Variants in SLC5A4 observed in about 807,000 individuals in gnomAD.
SLC5A4 encodes the protein solute carrier family 5 member 4, also known as probable glucose sensor protein SLC5A4.
A neutral mutation model predicts 70.3 loss-of-function variants in SLC5A4; 55 were observed. The ratio of observed to expected loss-of-function variants is 0.78; its 90% CI spans 0.63 to 0.98. The LOEUF (loss-of-function observed/expected upper bound fraction) is 0.98. SLC5A4 is among the 50% of genes least tolerant of loss of function. SLC5A4 has a pLI of 0.00. For missense variants in SLC5A4, 735 were observed against 839.2 expected (o/e 0.88, Z 1.53); for synonymous variants, 268 against 305.7 (o/e 0.88, Z 1.29).
chr22:32,305,091 A>G, the SLC5A4 span, among the ~76,000 whole-genome samples: 13 of 152,274 alleles, frequency 8.5e-5, no homozygotes, highest in East Asian at 7.7e-4. Context: ...TCTTTTGCCA[A>G]TACCACACTG....
At chr22:32,253,038 C>G (rs1927264328) in intron 2 of SLC5A4, among the ~76,000 whole-genome samples, 1 of 152,168 alleles carries the variant, frequency 6.6e-6, no homozygotes, top group South Asian at 2.1e-4. Context: ...GCATGTTTCA[C>G]TAAACAGTCC....
the SLC5A4 span, among the ~76,000 whole-genome samples, chr22:32,335,740 G>T: frequency 6.6e-6 from 1 of 152,200 alleles, no homozygotes; most frequent in Admixed American, 6.5e-5. Flanking sequence ...GTAGGTCCCA[G>T]CACACAGGGT....
the SLC5A4 span, among the ~76,000 whole-genome samples, chr22:32,324,344 C>T: frequency 6.6e-6 from 1 of 151,128 alleles, no homozygotes; most frequent in East Asian, 1.9e-4. Flanking sequence ...AAATCAATGA[C>T]TTTTTAAAAA....
chr22:32,301,461 AAC>A, the SLC5A4 span, among the ~76,000 whole-genome samples: 1 of 152,240 alleles, frequency 6.6e-6, no homozygotes, highest in Non-Finnish European at 1.5e-5. Flanking sequence ...TATTTAACAA[AAC>A]AGTATAAAAC....
At chr22:32,333,201 C>G in the SLC5A4 span, among the ~76,000 whole-genome samples, 8 of 147,414 alleles carry the variant, frequency 5.4e-5, no homozygotes, top group African/African-American at 1.5e-4. Context: ...CTGGCACCCC[C>G]CCCCCAGAAG....
At chr22:32,341,728 T>G in the SLC5A4 span, among the ~76,000 whole-genome samples, 17 of 152,306 alleles carry the variant, frequency 1.1e-4, no homozygotes, top group South Asian at 3.5e-3. Flanking sequence ...CCTGCCAACC[T>G]CTTCATTTCC....
chr22:32,310,081 T>TGGGGGGGGG, the SLC5A4 span, among the ~76,000 whole-genome samples: 1 of 39,360 alleles, frequency 2.5e-5, no homozygotes, highest in African/African-American at 1.3e-4. Flanking sequence ...GGACGGGGGA[T>TGGGGGGGGG]GGGGGGGGTG....
chr22:32,317,707 C>A, the SLC5A4 span, among the ~76,000 whole-genome samples: 1 of 152,154 alleles, frequency 6.6e-6, no homozygotes, highest in African/African-American at 2.4e-5. Flanking sequence ...CTCAAGCAAT[C>A]CCCCTGCCTT....
chr22:32,286,514 G>C, the SLC5A4 span, among the ~76,000 whole-genome samples: 1 of 152,168 alleles, frequency 6.6e-6, no homozygotes, highest in Non-Finnish European at 1.5e-5. Context: ...ATCTTTGTAT[G>C]AGCGATAAAC....
chr22:32,317,848 TGGA>T, the SLC5A4 span, among the ~76,000 whole-genome samples: 1 of 152,148 alleles, frequency 6.6e-6, no homozygotes, highest in Admixed American at 6.6e-5. Context: ...ACATAGAAGG[TGGA>T]GGTGACTGCT....
chr22:32,291,846 A>C, the SLC5A4 span, among the ~76,000 whole-genome samples: 15 of 139,258 alleles, frequency 1.1e-4, no homozygotes, highest in East Asian at 2.2e-3. Context: ...ATATATATGT[A>C]TGTATATATA....
At chr22:32,344,436 C>T in the SLC5A4 span, among the ~76,000 whole-genome samples, 1 of 152,110 alleles carries the variant, frequency 6.6e-6, no homozygotes, top group Non-Finnish European at 1.5e-5. Context: ...TATTCACTAA[C>T]AAAGATGCAG....
chr22:32,256,877 A>G (rs1464795642), upstream of SLC5A4, among the ~76,000 whole-genome samples: 1 of 152,228 alleles, frequency 6.6e-6, no homozygotes, highest in Non-Finnish European at 1.5e-5. Flanking sequence ...TGCTGAGAAC[A>G]CTGGTGTGCA....
At chr22:32,274,290 T>A in the SLC5A4 span, among the ~76,000 whole-genome samples, 1 of 152,166 alleles carries the variant, frequency 6.6e-6, no homozygotes, top group African/African-American at 2.4e-5. Flanking sequence ...TCCTCCCGCC[T>A]CAGCCTCCTA....
chr22:32,344,149 T>C, the SLC5A4 span, among the ~76,000 whole-genome samples: 1 of 152,116 alleles, frequency 6.6e-6, no homozygotes, highest in Non-Finnish European at 1.5e-5. Context: ...AGAAAAGACA[T>C]CGCTGGGTTC....
At chr22:32,333,205 C>A in the SLC5A4 span, among the ~76,000 whole-genome samples, 3 of 148,976 alleles carry the variant, frequency 2.0e-5, no homozygotes, top group African/African-American at 5.0e-5. Context: ...CACCCCCCCC[C>A]CAGAAGACTC....
intron 5 of SLC5A4, among the ~76,000 whole-genome samples, chr22:32,245,342 C>T (rs1438245500): frequency 6.6e-6 from 1 of 152,140 alleles, no homozygotes; most frequent in Non-Finnish European, 1.5e-5. Context: ...TCTGCACAGC[C>T]ACAGACCTGC....
rs752543253 is a variant in SLC5A4 at position 32,229,358 on chromosome 22, AG to A, written c.1130-15del. 3 of 1,613,582 alleles carry A rather than the reference AG, an allele frequency of 1.9e-6. No homozygotes were observed. The highest frequency in any genetic ancestry group is 2.7e-5 in the African/African-American group (2 of 74,944). ...GGCCTCGCAGTCCTGGAGCCGGGAA[AG>A]GGTACAAGCACTGGTTAGTGGCTGG... On this transcript the variant is annotated splice_polypyrimidine_tract_variant and intron_variant, in intron 10 of 14. Transcript: ENST00000266086.
the SLC5A4 span, among the ~76,000 whole-genome samples, chr22:32,309,835 G>C: frequency 6.6e-6 from 1 of 151,806 alleles, no homozygotes; most frequent in African/African-American, 2.4e-5. Context: ...CTGCGGGAAG[G>C]AGGGTGCTGT....
Sources: gnomAD v4.1 joint callset for allele counts (sites outside exome capture counted in the v4.1 genomes callset) on GRCh38, gnomAD v4.1.1 for gene constraint, MANE v1.5 for transcripts, NCBI Gene and HGNC (gene_info 2026-07-23, HGNC 2026-07-21) for gene names.